COL25A1: variants seen among roughly 807,000 people sequenced by gnomAD.
The protein encoded by COL25A1 is collagen type XXV alpha 1 chain.
Under a neutral mutation model 128.4 loss-of-function variants are expected in COL25A1, and 103 were observed. The ratio of observed to expected loss-of-function variants is 0.80; its 90% CI spans 0.68 to 0.94. COL25A1 has a LOEUF of 0.94. Among genes scored for constraint, COL25A1 ranks in the 40% least tolerant of loss-of-function variants. The probability of loss-of-function intolerance (pLI) is 0.00; values close to 1 mark genes in which losing one functional copy is unlikely to be tolerated. For missense variants in COL25A1, 745 were observed against 840.0 expected, an observed-to-expected ratio of 0.89 and a Z score of 1.40; for synonymous variants, 279 against 277.2, an observed-to-expected ratio of 1.01 and a Z score of -0.06.
intron 19 of COL25A1, among the ~76,000 whole-genome samples, chr4:108,875,650 G>C (rs898559938): frequency 1.3e-5 from 2 of 152,192 alleles, no homozygotes; most frequent in African/African-American, 4.8e-5. Flanking sequence ...GGAAGACAGT[G>C]TGGCGACTCC....
intron 3 of COL25A1, among the ~76,000 whole-genome samples, chr4:109,054,344 A>T (rs1040987454): frequency 3.3e-5 from 5 of 152,186 alleles, no homozygotes; most frequent in African/African-American, 1.2e-4. Context: ...TTTGATTTTA[A>T]TCTGCTATCT....
At chr4:109,074,420 T>A (rs1428468663) in intron 3 of COL25A1, among the ~76,000 whole-genome samples, 2 of 152,238 alleles carry the variant, frequency 1.3e-5, no homozygotes, top group Admixed American at 1.3e-4. Flanking sequence ...ATTATTGGCT[T>A]TCTTTGCTTT....
At chr4:108,967,170 AAAGT>A (rs1235650675) in intron 8 of COL25A1, among the ~76,000 whole-genome samples, 2 of 152,148 alleles carry the variant, frequency 1.3e-5, no homozygotes, top group Non-Finnish European at 2.9e-5. Context: ...GAGAATAATA[AAAGT>A]AAGTATTTCA....
chr4:109,130,998 A>T (rs1163881140), intron 3 of COL25A1, among the ~76,000 whole-genome samples: 1 of 152,222 alleles, frequency 6.6e-6, no homozygotes, highest in African/African-American at 2.4e-5. Flanking sequence ...TCATTACTTA[A>T]TATCTCAAGG....
intron 3 of COL25A1, among the ~76,000 whole-genome samples, chr4:109,168,012 AAT>A (rs1238626557): frequency 6.6e-6 from 1 of 152,158 alleles, no homozygotes; most frequent in Non-Finnish European, 1.5e-5. Context: ...GGATAACAGT[AAT>A]AGTTGGTTTT....
At chr4:108,853,080 T>A (rs1362170321) in intron 24 of COL25A1, among the ~76,000 whole-genome samples, 155 bp from the exon 25 acceptor site, 1 of 152,206 alleles carries the variant, frequency 6.6e-6, no homozygotes, top group East Asian at 1.9e-4. Flanking sequence ...TTACCCTATC[T>A]TCAATACAGT....
At chr4:109,114,473 T>C (rs943013099) in intron 3 of COL25A1, among the ~76,000 whole-genome samples, 2 of 151,996 alleles carry the variant, frequency 1.3e-5, no homozygotes, top group African/African-American at 2.4e-5. Flanking sequence ...GAGCTGAGCT[T>C]TGAAACATCA....
At chr4:109,096,672 A>T (rs2126016101) in intron 3 of COL25A1, among the ~76,000 whole-genome samples, 1 of 152,328 alleles carries the variant, frequency 6.6e-6, no homozygotes, top group South Asian at 2.1e-4. Flanking sequence ...ATAGATTTAA[A>T]ATGCCACTTG....
intron 3 of COL25A1, among the ~76,000 whole-genome samples, chr4:109,196,216 A>T (rs187349225): frequency 6.6e-6 from 1 of 152,298 alleles, no homozygotes; most frequent in East Asian, 1.9e-4. Flanking sequence ...TTGAAAGGAA[A>T]TGCAATCAGA....
intron 16 of COL25A1, among the ~76,000 whole-genome samples, chr4:108,891,372 G>A (rs1029024718): frequency 1.3e-5 from 2 of 152,172 alleles, no homozygotes; most frequent in African/African-American, 4.8e-5. Context: ...TCTTACTGTA[G>A]AATGAGACTG....
At chr4:108,978,249 A>G (rs1752627910) in intron 6 of COL25A1, among the ~76,000 whole-genome samples, 1 of 152,242 alleles carries the variant, frequency 6.6e-6, no homozygotes, top group East Asian at 1.9e-4. Flanking sequence ...GTCAACCTCC[A>G]TGCACAGCTG....
chr4:109,093,605 C>G (rs1168248499), intron 3 of COL25A1, among the ~76,000 whole-genome samples: 1 of 151,930 alleles, frequency 6.6e-6, no homozygotes, highest in Non-Finnish European at 1.5e-5. Context: ...CACACCACTG[C>G]ATTCCAGCCC....
chr4:109,043,892 T>C (rs1760165224), intron 5 of COL25A1, among the ~76,000 whole-genome samples: 1 of 152,148 alleles, frequency 6.6e-6, no homozygotes, highest in African/African-American at 2.4e-5. Flanking sequence ...CAAATCATTC[T>C]AGCAAATACA....
chr4:109,298,305 A>AT (rs1178638704), intron 3 of COL25A1, among the ~76,000 whole-genome samples: 2 of 152,202 alleles, frequency 1.3e-5, no homozygotes, highest in Admixed American at 6.5e-5. Flanking sequence ...GCCTACCTGA[A>AT]TAAACCTCAC....
At chr4:109,122,393 G>A (rs1039875027) in intron 3 of COL25A1, among the ~76,000 whole-genome samples, 5 of 151,988 alleles carry the variant, frequency 3.3e-5, no homozygotes, top group East Asian at 1.9e-4. Flanking sequence ...AATTCTCTGC[G>A]CTTTCCACTC....
rs79836644 is a variant in COL25A1, at chr4:108,862,977, G to A, written c.1152+342C>T. The stretch of plus-strand genomic sequence containing the variant: ...AAGTCCTTAGCTCTAATATTTTCAA[G>A]GTGTTACACTCCATTAAGTTACCAT... On this transcript the variant is annotated intron_variant, in intron 21 of 37. Coordinates refer to ENST00000399132, the MANE Select transcript of COL25A1 (RefSeq NM_198721.4). Among the ~76,000 whole-genome samples the A allele has an allele frequency of 7.1e-3, 1,088 of 152,250 alleles. 16 individuals are homozygous for A. Among genetic ancestry groups the A allele is most frequent in the African/African-American group, 0.025 (1,042 of 41,532 alleles).
At chr4:108,884,886 G>A (rs1299968798) in intron 18 of COL25A1, among the ~76,000 whole-genome samples, 16 of 152,136 alleles carry the variant, frequency 1.1e-4, no homozygotes, top group Admixed American at 1.0e-3. Flanking sequence ...AGTACATTTT[G>A]GGTGAGCATA....
intron 3 of COL25A1, among the ~76,000 whole-genome samples, chr4:109,196,794 A>G (rs1039786647): frequency 5.9e-5 from 9 of 152,140 alleles, no homozygotes; most frequent in African/African-American, 1.9e-4. Context: ...AAAATCAATC[A>G]CCTGCAGAGA....
At chr4:109,268,553 A>T (rs1781950060) in intron 3 of COL25A1, among the ~76,000 whole-genome samples, 1 of 152,168 alleles carries the variant, frequency 6.6e-6, no homozygotes, top group South Asian at 2.1e-4. Flanking sequence ...GAACCTGTGT[A>T]AACCTTTTAA....
Sources: allele counts gnomAD v4.1 joint callset (sites outside exome capture counted in the v4.1 genomes callset), GRCh38; gene constraint gnomAD v4.1.1; transcripts MANE v1.5; gene names NCBI Gene and HGNC (gene_info 2026-07-23, HGNC 2026-07-21).